AUTS2: variants seen among roughly 807,000 people sequenced by gnomAD.
AUTS2 encodes activator of transcription and developmental regulator AUTS2, also known as autism susceptibility gene 2 protein.
AUTS2 carries 17 observed loss-of-function variants against 112.4 expected under a neutral mutation model. That is an observed-to-expected ratio of 0.15 (90% CI 0.10 to 0.23). The LOEUF (loss-of-function observed/expected upper bound fraction) is 0.23. Among genes scored for constraint, AUTS2 ranks in the 10% least tolerant of loss-of-function variants. The pLI, the probability that AUTS2 is intolerant of heterozygous loss-of-function variation, is 1.00. For missense variants in AUTS2, 1,510 were observed against 1,701.6 expected (o/e 0.89, Z 1.98); for synonymous variants, 751 against 702.7 (o/e 1.07, Z -1.09).
At chr7:70,575,629 A>G (rs1200266614) in intron 5 of AUTS2, among the ~76,000 whole-genome samples, 1 of 152,192 alleles carries the variant, frequency 6.6e-6, no homozygotes, top group African/African-American at 2.4e-5. Flanking sequence ...ATGCTGTCAT[A>G]TAGCAAGACC....
chr7:70,039,036 G>C (rs1461370683), intron 2 of AUTS2, among the ~76,000 whole-genome samples: 1 of 151,954 alleles, frequency 6.6e-6, no homozygotes, highest in Non-Finnish European at 1.5e-5. Context: ...TGGGATTACA[G>C]GTGTGAGTCA....
chr7:69,869,800 A>G (rs1793400888), intron 1 of AUTS2, among the ~76,000 whole-genome samples: 1 of 152,204 alleles, frequency 6.6e-6, no homozygotes, highest in Non-Finnish European at 1.5e-5. Flanking sequence ...TTAACCAAAT[A>G]TATGCAGTTG....
intron 2 of AUTS2, among the ~76,000 whole-genome samples, chr7:70,104,889 A>G: frequency 6.6e-6 from 1 of 152,098 alleles, no homozygotes; most frequent in Admixed American, 6.6e-5. Context: ...TGGTGTGATG[A>G]GAATCTATTA....
intron 10 of AUTS2, among the ~76,000 whole-genome samples, chr7:70,769,526 A>C (rs1156359924): frequency 6.6e-6 from 1 of 152,174 alleles, no homozygotes; most frequent in Non-Finnish European, 1.5e-5. Flanking sequence ...TCTACTAAAA[A>C]TACAAAACAT....
intron 5 of AUTS2, among the ~76,000 whole-genome samples, chr7:70,462,121 A>G (rs1397212649): frequency 6.6e-6 from 1 of 152,068 alleles, no homozygotes; most frequent in Non-Finnish European, 1.5e-5. Context: ...GTGTGGTGGC[A>G]TGCGTCTGTA....
At chr7:70,458,408 C>T (rs376561638) in intron 5 of AUTS2, among the ~76,000 whole-genome samples, 3 of 152,188 alleles carry the variant, frequency 2.0e-5, no homozygotes, top group African/African-American at 7.2e-5. Flanking sequence ...TTAGCATGGT[C>T]TCTCAAGTAT....
chr7:69,683,422 GT>G (rs1417098738), intron 1 of AUTS2, among the ~76,000 whole-genome samples: 1 of 152,246 alleles, frequency 6.6e-6, no homozygotes, highest in Non-Finnish European at 1.5e-5. Flanking sequence ...GAAAAGAAAT[GT>G]TTTGGGGGCT....
intron 4 of AUTS2, among the ~76,000 whole-genome samples, chr7:70,167,410 G>C (rs1012130675): frequency 1.3e-5 from 2 of 152,074 alleles, no homozygotes; most frequent in African/African-American, 4.8e-5. Flanking sequence ...CAGAGCTTCA[G>C]AATACATAAA....
chr7:70,740,339 C>T (rs905644792), intron 6 of AUTS2, among the ~76,000 whole-genome samples: 11 of 152,128 alleles, frequency 7.2e-5, no homozygotes, highest in Admixed American at 5.9e-4. Context: ...TTCTTTTAAC[C>T]CATCATTTCA....
chr7:69,938,277 C>G (rs1015128129), intron 2 of AUTS2, among the ~76,000 whole-genome samples: 1 of 152,114 alleles, frequency 6.6e-6, no homozygotes, highest in Non-Finnish European at 1.5e-5. Flanking sequence ...TGCAGCTTCC[C>G]GTAGGCCTCT....
intron 4 of AUTS2, among the ~76,000 whole-genome samples, chr7:70,378,027 C>T (rs1039926308): frequency 1.3e-5 from 2 of 151,992 alleles, no homozygotes; most frequent in Non-Finnish European, 2.9e-5. Flanking sequence ...CCGCCCATCT[C>T]AGCCTCCCAA....
chr7:70,095,682 A>G (rs1804157838), intron 2 of AUTS2, among the ~76,000 whole-genome samples: 1 of 152,226 alleles, frequency 6.6e-6, no homozygotes, highest in African/African-American at 2.4e-5. Flanking sequence ...TAATACAGTT[A>G]TACACTTAAA....
chr7:69,626,205 G>T (rs1185117071), intron 1 of AUTS2, among the ~76,000 whole-genome samples: 1 of 152,164 alleles, frequency 6.6e-6, no homozygotes, highest in Non-Finnish European at 1.5e-5. Flanking sequence ...TAGTGTGTGT[G>T]TCTTCCAACT....
chr7:70,502,420 G>T (rs906585873), intron 5 of AUTS2, among the ~76,000 whole-genome samples: 1 of 152,296 alleles, frequency 6.6e-6, no homozygotes, highest in East Asian at 1.9e-4. Flanking sequence ...ATAGGAGATG[G>T]CCTGCATCTG....
chr7:70,134,386 G>C (rs144635400), intron 3 of AUTS2, 150 bp from the exon 4 acceptor site: 1 of 659,412 alleles, frequency 1.5e-6, no homozygotes, highest in East Asian at 2.6e-5. Context: ...CACGGTGTTT[G>C]TATCAGTAGC....
intron 1 of AUTS2, among the ~76,000 whole-genome samples, chr7:69,628,412 G>A (rs1330393955): frequency 2.6e-5 from 4 of 152,124 alleles, no homozygotes; most frequent in Non-Finnish European, 5.9e-5. Context: ...TATTCCTGAG[G>A]TACCAGATCA....
chr7:69,974,624 CAG>C lies in AUTS2; in HGVS notation c.522+75131_522+75132del, dbSNP rs758647933. ...GGAGATTTGGATGTCCCAGCTCAAA[CAG>C]AGAGTAAATTTCTCCTTCCTCTGCC... On this transcript the variant is annotated intron_variant, in intron 2 of 18. Coordinates refer to ENST00000342771, the MANE Select transcript of AUTS2 (RefSeq NM_015570.4). Among the ~76,000 whole-genome samples, 3 of 151,888 alleles carry C rather than the reference CAG, an allele frequency of 2.0e-5. 1 individual carries two copies. The South Asian group carries it at 6.2e-4, about 31-fold the overall frequency.
chr7:69,658,430 C>G (rs1280974809), intron 1 of AUTS2, among the ~76,000 whole-genome samples: 2 of 152,038 alleles, frequency 1.3e-5, no homozygotes. Flanking sequence ...CATTTGTAAC[C>G]TTAGGTTTAA....
At chr7:70,342,807 A>C (rs1156966161) in intron 4 of AUTS2, among the ~76,000 whole-genome samples, 1 of 152,136 alleles carries the variant, frequency 6.6e-6, no homozygotes, top group Non-Finnish European at 1.5e-5. Context: ...TTGCCTTAAA[A>C]GCAATCAGAC....
Sources: allele counts gnomAD v4.1 joint callset (sites outside exome capture counted in the v4.1 genomes callset), GRCh38; gene constraint gnomAD v4.1.1; transcripts MANE v1.5; gene names NCBI Gene and HGNC (gene_info 2026-07-23, HGNC 2026-07-21).